KIF16B: variants seen among roughly 807,000 people sequenced by gnomAD.
KIF16B encodes kinesin family member 16B, also known as kinesin-like protein KIF16B.
Under a neutral mutation model 156.3 loss-of-function variants are expected in KIF16B, and 98 were observed. The ratio of observed to expected loss-of-function variants is 0.63; its 90% CI spans 0.53 to 0.74. KIF16B has a LOEUF of 0.74. Ranked by LOEUF, KIF16B falls within the 30% of genes least tolerant of loss-of-function variation. The probability of loss-of-function intolerance (pLI) is 0.00; values close to 1 mark genes in which losing one functional copy is unlikely to be tolerated. For missense variants in KIF16B, 1,421 were observed against 1,606.5 expected, an observed-to-expected ratio of 0.88 and a Z score of 1.97; for synonymous variants, 564 against 583.7, an observed-to-expected ratio of 0.97 and a Z score of 0.49.
intron 1 of KIF16B, among the ~76,000 whole-genome samples, chr20:16,542,947 T>C (rs1221596134): frequency 2.6e-5 from 4 of 152,136 alleles, no homozygotes; most frequent in Admixed American, 6.5e-5. Flanking sequence ...CTCAGAAGGC[T>C]ACACAAAGGA....
chr20:16,436,605 A>G (rs1251172618), intron 12 of KIF16B, among the ~76,000 whole-genome samples: 1 of 152,168 alleles, frequency 6.6e-6, no homozygotes, highest in Non-Finnish European at 1.5e-5. Flanking sequence ...TCACTGATTC[A>G]GCTTCTCAGG....
At chr20:16,573,129 G>C in intron 1 of KIF16B, 100 bp downstream of exon 1, 1 of 1,213,076 alleles carries the variant, frequency 8.2e-7, no homozygotes, top group Non-Finnish European at 1.2e-6. Context: ...GGACCAGCCG[G>C]TGACACTTTT....
intron 17 of KIF16B, among the ~76,000 whole-genome samples, chr20:16,396,856 G>T (rs550580928): frequency 4.7e-4 from 72 of 152,052 alleles, no homozygotes; most frequent in Non-Finnish European, 7.2e-4. Flanking sequence ...CACTCCTTGG[G>T]ATGATGCTCC....
intron 12 of KIF16B, among the ~76,000 whole-genome samples, chr20:16,469,254 TAA>T (rs57114751): frequency 1.6e-3 from 105 of 66,064 alleles, no homozygotes; most frequent in African/African-American, 5.1e-3. Flanking sequence ...CCCTGTGTCT[TAA>T]AAAAAAAAAA....
intron 1 of KIF16B, among the ~76,000 whole-genome samples, chr20:16,537,569 C>T (rs1036484955): frequency 9.2e-5 from 14 of 152,072 alleles, no homozygotes; most frequent in African/African-American, 3.4e-4. Context: ...CCCCAGTGTA[C>T]TCTTTACCAC....
intron 25 of KIF16B, among the ~76,000 whole-genome samples, chr20:16,309,492 T>A (rs141576364): frequency 6.6e-6 from 1 of 152,328 alleles, no homozygotes; most frequent in African/African-American, 2.4e-5. Flanking sequence ...TTCCTATCCA[T>A]CATTTCTAAA....
intron 12 of KIF16B, among the ~76,000 whole-genome samples, chr20:16,431,492 C>A (rs551747986): frequency 6.6e-6 from 1 of 152,162 alleles, no homozygotes; most frequent in African/African-American, 2.4e-5. Flanking sequence ...GCACTCACTG[C>A]GGTTCCTACT....
In KIF16B at chr20:16,548,270, G is replaced by C. The variant is rs138917771; in HGVS notation, c.48-19830C>G. ...CACGTCAGAGGGAGCTACAAGGTTC[G>C]GAGGATGGATTCAGAGTGCACATAG... is the stretch of plus-strand genomic sequence containing the variant. On this transcript the variant is annotated intron_variant, in intron 1 of 25. Transcript: ENST00000354981. Among the ~76,000 whole-genome samples, 3 of 152,130 alleles carry C rather than the reference G, an allele frequency of 2.0e-5. No individual in the cohort carries two copies. In the East Asian group the frequency reaches 5.8e-4, roughly 29 times the overall value.
chr20:16,432,025 G>A (rs1287397965), intron 12 of KIF16B, among the ~76,000 whole-genome samples: 1 of 151,678 alleles, frequency 6.6e-6, no homozygotes, highest in Non-Finnish European at 1.5e-5. Flanking sequence ...TTTGCCAGAG[G>A]AATGAATGAG....
chr20:16,318,579 G>C (rs1461895915), intron 24 of KIF16B, among the ~76,000 whole-genome samples: 2 of 152,008 alleles, frequency 1.3e-5, no homozygotes, highest in African/African-American at 4.8e-5. Context: ...GACATCAAGT[G>C]AAAGAGCTCC....
intron 23 of KIF16B, among the ~76,000 whole-genome samples, chr20:16,349,905 G>A (rs1443999001): frequency 6.6e-6 from 1 of 152,212 alleles, no homozygotes; most frequent in African/African-American, 2.4e-5. Flanking sequence ...ACAGACCTAA[G>A]TTCACACAAT....
At chr20:16,363,411 A>AAGTTTTATCTG (rs1251168399) in intron 22 of KIF16B, among the ~76,000 whole-genome samples, 1 of 152,214 alleles carries the variant, frequency 6.6e-6, no homozygotes, top group African/African-American at 2.4e-5. Context: ...GAAGTCCTAC[A>AAGTTTTATCTG]AGTTTTATCT....
chr20:16,408,881 T>A (rs1241870290), intron 15 of KIF16B, among the ~76,000 whole-genome samples: 1 of 152,152 alleles, frequency 6.6e-6, no homozygotes, highest in Non-Finnish European at 1.5e-5. Context: ...CTCGTGAATT[T>A]AAAAATTTGC....
chr20:16,381,309 G>T (rs188804060), intron 18 of KIF16B, among the ~76,000 whole-genome samples: 41 of 152,188 alleles, frequency 2.7e-4, no homozygotes, highest in Middle Eastern at 6.8e-3. Context: ...AAGCAGGCAG[G>T]TAGAAGGAAG....
chr20:16,309,578 A>G (rs959290923), intron 25 of KIF16B, among the ~76,000 whole-genome samples: 18 of 152,226 alleles, frequency 1.2e-4, no homozygotes, highest in African/African-American at 1.7e-4. Context: ...ACATGAAAAC[A>G]TTTTACACTT....
intron 1 of KIF16B, among the ~76,000 whole-genome samples, chr20:16,571,103 C>G (rs1229468438): frequency 1.3e-5 from 2 of 152,182 alleles, no homozygotes; most frequent in Non-Finnish European, 2.9e-5. Flanking sequence ...TCATGTAACT[C>G]TCCACATCCA....
At position 16,551,841 on chromosome 20, in the gene KIF16B, C is replaced by T. The variant is rs73244232; in HGVS notation, c.47+21388G>A. Among the ~76,000 whole-genome samples the T allele has an allele frequency of 3.7e-3, 556 of 152,262 alleles. 2 individuals are homozygous for T. The highest frequency in any genetic ancestry group is 0.013 in the African/African-American group (537 of 41,542). On this transcript the variant is annotated intron_variant, in intron 1 of 25. Coordinates refer to ENST00000354981, the MANE Select transcript of KIF16B (RefSeq NM_024704.5). ...GTCTGTGCCCAAGAAAGCAGGCCCC[C>T]CTCCCACGACAGCTACAGGAGGGCA...
rs894883838 is a variant in KIF16B, at chr20:16,481,797, G to T, written c.1302+12494C>A. Among the ~76,000 whole-genome samples the T allele has an allele frequency of 3.3e-5, 5 of 152,272 alleles. No homozygotes were observed. The East Asian group carries it at 7.7e-4, about 23-fold the overall frequency. On this transcript the variant is annotated intron_variant, in intron 12 of 25. Transcript: ENST00000354981. ...TTGACAAAGACAACTTAGGAAGGCT[G>T]GTTTTAGCTGGAAAAGTTTCACATC...
rs1006597373 is a variant in KIF16B at position 16,273,100 on chromosome 20, T to C, written c.*153A>G. 5 of 665,812 alleles carry C rather than the reference T, an allele frequency of 7.5e-6. No individual in the cohort carries two copies. The African/African-American group carries it at 9.0e-5, about 12-fold the overall frequency. 41.2% of individuals were successfully genotyped at this position (665,812 alleles called of 1,614,324 possible). A position where few individuals can be genotyped will look rare whatever the true frequency, so the allele number is the denominator to read the frequency against. On this transcript the variant is annotated 3_prime_UTR_variant, in exon 26 of 26. Transcript: ENST00000354981. ...CCCATCCCCAAACTCAGGCACTAGG[T>C]ATGGAAACGTGAGGTGGCCCGGGCC...
Sources: allele counts gnomAD v4.1 joint callset (sites outside exome capture counted in the v4.1 genomes callset), GRCh38; gene constraint gnomAD v4.1.1; transcripts MANE v1.5; gene names NCBI Gene and HGNC (gene_info 2026-07-23, HGNC 2026-07-21).